Variants in CWC15 observed in about 807,000 individuals in gnomAD.
The protein encoded by CWC15 is CWC15 spliceosome associated protein, also known as spliceosome-associated protein CWC15 homolog.
In CWC15, 12 loss-of-function variants were observed where a neutral mutation model predicts 28.4. The observed-to-expected ratio is 0.42, with a 90% CI of 0.27 to 0.69. CWC15 has a LOEUF of 0.69. Ranked by LOEUF, CWC15 falls within the 30% of genes least tolerant of loss-of-function variation. CWC15 has a pLI of 0.23. For missense variants in CWC15, 192 were observed against 271.5 expected, an observed-to-expected ratio of 0.71 and a Z score of 2.06; for synonymous variants, 92 against 88.4, an observed-to-expected ratio of 1.04 and a Z score of -0.23.
rs1176066892 is a variant in CWC15 at position 94,963,469 on chromosome 11, A to T, written c.606T>A (p.Asp202Glu). The change falls in exon 7 of 7, where the codon GAT becomes GAA. Residue 202 changes from aspartate to glutamate, a missense_variant. Physicochemically the swap from Asp to Glu is conservative, Grantham distance 45. Coordinates refer to ENST00000279839, the MANE Select transcript of CWC15 (RefSeq NM_016403.4). ...VVFKNCAKGVDDQKKDKRFVN... is the reference protein window; with the variant it reads ...VVFKNCAKGVEDQKKDKRFVN... The stretch of plus-strand genomic sequence containing the variant: ...CAAATCTTTTGTCTTTCTTCTGGTC[A>T]TCTACACCTTTTGCACAGTTCTTGA... 2 of 1,582,818 alleles carry T rather than the reference A, an allele frequency of 1.3e-6. No homozygotes were observed. Among genetic ancestry groups the T allele is most frequent in the African/African-American group, 2.7e-5 (2 of 74,552 alleles).
Position 94,963,295 on chromosome 11 carries a change from T to C in CWC15, c.*90A>G, listed in dbSNP as rs1226612386. The C allele has an allele frequency of 9.4e-7, 1 of 1,067,600 alleles. No individual in the cohort carries two copies. The highest frequency in any genetic ancestry group is 1.3e-6 in the Non-Finnish European group (1 of 787,128). 66.1% of individuals were successfully genotyped at this position (1,067,600 alleles called of 1,614,324 possible). A position where few individuals can be genotyped will look rare whatever the true frequency, so the allele number is the denominator to read the frequency against. On this transcript the variant is annotated 3_prime_UTR_variant, in exon 7 of 7. Transcript: ENST00000279839. ...AAACTGGGGAAGCCCACACACAATT[T>C]AGACAGGGGAAAAGAAAAAAAAAAC...
At chr11:94,963,782 T>C (rs1048935059) in intron 6 of CWC15, among the ~76,000 whole-genome samples, 3 of 152,212 alleles carry the variant, frequency 2.0e-5, no homozygotes, top group Admixed American at 1.3e-4. Context: ...AATAGAAATA[T>C]ATAGATTTTA....
intron 2 of CWC15, 53 bp from the exon 3 acceptor site, chr11:94,971,540 A>C: frequency 9.8e-7 from 1 of 1,018,246 alleles, no homozygotes; most frequent in Non-Finnish European, 1.5e-6. Flanking sequence ...ACACACACAC[A>C]CACACAGAGA....
chr11:94,971,270 A>C, intron 3 of CWC15, 105 bp downstream of exon 3: 1 of 1,025,496 alleles, frequency 9.8e-7, no homozygotes, highest in South Asian at 1.4e-5. Context: ...AGCTCACATC[A>C]ATCTGTAAAA....
intron 2 of CWC15, 30 bp from the exon 3 acceptor site, chr11:94,971,517 G>A (rs1555096246): frequency 7.5e-7 from 1 of 1,334,006 alleles, no homozygotes; most frequent in Non-Finnish European, 1.0e-6. Flanking sequence ...GGGCAAAAAT[G>A]TTACTTAAAC....
chr11:94,971,203 A>G, intron 3 of CWC15, 138 bp from the exon 4 acceptor site: 2 of 985,932 alleles, frequency 2.0e-6, no homozygotes, highest in Non-Finnish European at 1.6e-6. Context: ...GCCTGGGCAA[A>G]TAAGCCTTTG....
Position 94,963,496 on chromosome 11 carries a change from G to A in CWC15, c.579C>T (p.Val193=). 1 of 1,575,870 alleles carries A rather than the reference G, an allele frequency of 6.3e-7. No homozygotes were observed. The highest frequency in any genetic ancestry group is 8.6e-7 in the Non-Finnish European group (1 of 1,159,268). ...KVKRRWDDDV[V]FKNCAKGVDD... ...CTACACCTTTTGCACAGTTCTTGAA[G>A]ACAACGTCATCATCCCACCTGAGGA... The change falls in exon 7 of 7, where the codon GTC becomes GTT. Residue 193 remains valine (V), a synonymous_variant. Transcript: ENST00000279839.
chr11:94,972,607 C>T (rs1275456380), intron 1 of CWC15, among the ~76,000 whole-genome samples: 2 of 152,214 alleles, frequency 1.3e-5, no homozygotes, highest in Non-Finnish European at 2.9e-5. Flanking sequence ...CTCAACCTTA[C>T]TCTACCAGAC....
intron 5 of CWC15, among the ~76,000 whole-genome samples, chr11:94,968,390 G>A (rs782692878): frequency 2.6e-5 from 4 of 152,264 alleles, no homozygotes; most frequent in African/African-American, 7.2e-5. Flanking sequence ...TCATTCAACC[G>A]CAAGAAATAT....
At chr11:94,965,023 T>G (rs587664436) in intron 6 of CWC15, among the ~76,000 whole-genome samples, 1 of 152,232 alleles carries the variant, frequency 6.6e-6, no homozygotes, top group South Asian at 2.1e-4. Context: ...GGGAGAGCAG[T>G]CAGCAGTACT....
chr11:94,965,254 T>C (rs587689373), intron 6 of CWC15, among the ~76,000 whole-genome samples: 2 of 152,190 alleles, frequency 1.3e-5, no homozygotes, highest in African/African-American at 4.8e-5. Context: ...TGGTGAAAAA[T>C]AACGAATATG....
intron 5 of CWC15, among the ~76,000 whole-genome samples, chr11:94,966,978 T>A (rs1555095420): frequency 6.6e-6 from 1 of 152,042 alleles, no homozygotes; most frequent in Non-Finnish European, 1.5e-5. Context: ...CAAAATTATA[T>A]CCAGTTAACA....
Position 94,971,073 on chromosome 11 carries a change from GA to G in CWC15, c.245-9del. The G allele has an allele frequency of 6.2e-7, 1 of 1,608,814 alleles. No homozygotes were observed. Among genetic ancestry groups the G allele is most frequent in the African/African-American group, 1.3e-5 (1 of 74,854 alleles). On this transcript the variant is annotated splice_polypyrimidine_tract_variant and intron_variant, in intron 3 of 6. Coordinates refer to ENST00000279839, the MANE Select transcript of CWC15 (RefSeq NM_016403.4). ...AAGAGGAGGTTGTATGTTCTGGGGG[GA>G]AACAAAAATCATTTAACTTAGTAAA...
intron 5 of CWC15, among the ~76,000 whole-genome samples, chr11:94,969,523 A>AT (rs1312120306): frequency 2.0e-5 from 3 of 152,014 alleles, no homozygotes. Flanking sequence ...TGAGTTTTAT[A>AT]TTTTTTCCTC....
chr11:94,963,608 A>C (rs1555094753), intron 6 of CWC15, 94 bp from the exon 7 acceptor site: 3 of 1,011,430 alleles, frequency 3.0e-6, no homozygotes. Flanking sequence ...GTTACACAGA[A>C]AGATGCTCAA....
intron 5 of CWC15, among the ~76,000 whole-genome samples, chr11:94,968,566 G>T (rs1857676988): frequency 6.6e-6 from 1 of 152,210 alleles, no homozygotes; most frequent in Non-Finnish European, 1.5e-5. Context: ...TTGCCCTCTA[G>T]TGGTATGCAA....
rs1857587995 is a variant in CWC15, at chr11:94,962,912, T to C, written c.*473A>G. 6.6e-6 allele frequency: 1 copy of C among 152,384 alleles called. No homozygotes were observed. The highest frequency in any genetic ancestry group is 2.4e-5 in the African/African-American group (1 of 41,416). The allele number at this position is 152,384 out of a possible 1,614,324, so 9.4% of individuals were successfully genotyped here. ...CTCCACACCAACATGTGGTCCAAAA[T>C]AGAATCCCTCTCATCTTCCATTACA... On this transcript the variant is annotated 3_prime_UTR_variant, in exon 7 of 7. Transcript: ENST00000279839.
intron 5 of CWC15, among the ~76,000 whole-genome samples, chr11:94,969,171 C>T (rs1194683876): frequency 2.0e-5 from 3 of 152,122 alleles, no homozygotes; most frequent in African/African-American, 7.2e-5. Flanking sequence ...CCACTTTGAC[C>T]TCCTTGATAA....
At chr11:94,972,238 C>T in intron 1 of CWC15, 45 bp from the exon 2 acceptor site, 2 of 1,561,690 alleles carry the variant, frequency 1.3e-6, no homozygotes, top group Non-Finnish European at 1.8e-6. Flanking sequence ...ATTACAAACA[C>T]TCATTTTATA....
Sources: allele counts gnomAD v4.1 joint callset (sites outside exome capture counted in the v4.1 genomes callset), GRCh38; gene constraint gnomAD v4.1.1; transcripts MANE v1.5; gene names NCBI Gene and HGNC (gene_info 2026-07-23, HGNC 2026-07-21).